The following WWOX variants were observed in gnomAD, a reference collection of about 807,000 sequenced individuals.
The protein encoded by WWOX is WW domain-containing oxidoreductase.
Under a neutral mutation model 46.2 loss-of-function variants are expected in WWOX, and 69 were observed. The observed-to-expected ratio is 1.49, with a 90% confidence interval of 1.23 to 1.82. The LOEUF (loss-of-function observed/expected upper bound fraction) is 1.82, where lower values mean the gene tolerates loss of function less well. WWOX is among the 40% of genes most tolerant of loss of function. WWOX has a pLI of 0.00. For synonymous variants in WWOX, 359 were observed against 202.6 expected (o/e 1.77, Z -6.56); for missense variants, 919 against 542.6 (o/e 1.69, Z -6.89).
chr16:78,853,461 A>G (rs1441466192), intron 8 of WWOX, among the ~76,000 whole-genome samples: 1 of 152,042 alleles, frequency 6.6e-6, no homozygotes, highest in Non-Finnish European at 1.5e-5. Context: ...ATCATTATTT[A>G]TTTAGTTATT....
intron 8 of WWOX, among the ~76,000 whole-genome samples, chr16:78,776,061 C>G (rs1163740807): frequency 6.6e-6 from 1 of 152,168 alleles, no homozygotes; most frequent in Non-Finnish European, 1.5e-5. Flanking sequence ...GAGTATAACA[C>G]CATGGCTAGT....
intron 8 of WWOX, among the ~76,000 whole-genome samples, chr16:78,936,265 C>T (rs753589413): frequency 1.1e-4 from 16 of 152,114 alleles, no homozygotes; most frequent in Non-Finnish European, 1.5e-4. Context: ...TTGACCTGGG[C>T]CTTCAACCCT....
intron 8 of WWOX, among the ~76,000 whole-genome samples, chr16:78,589,846 G>A (rs2045309131): frequency 6.6e-6 from 1 of 152,012 alleles, no homozygotes; most frequent in African/African-American, 2.4e-5. Flanking sequence ...TAACTATGAT[G>A]CTACTTCTTA....
intron 6 of WWOX, among the ~76,000 whole-genome samples, chr16:78,423,069 A>T (rs1488915810): frequency 6.6e-6 from 1 of 151,590 alleles, no homozygotes; most frequent in Non-Finnish European, 1.5e-5. Flanking sequence ...TATTTTTAGT[A>T]GAGATGGGGG....
intron 8 of WWOX, among the ~76,000 whole-genome samples, chr16:78,952,113 T>C (rs1176920781): frequency 6.6e-6 from 1 of 152,110 alleles, no homozygotes; most frequent in African/African-American, 2.4e-5. Context: ...GTACCTTCCC[T>C]GTCTCATTTC....
intron 6 of WWOX, among the ~76,000 whole-genome samples, chr16:78,406,391 T>C (rs1162439733): frequency 1.4e-5 from 2 of 142,780 alleles, no homozygotes; most frequent in Non-Finnish European, 3.0e-5. Context: ...TCTTGCTCTG[T>C]CACCAGGCTG....
At chr16:79,005,391 C>A (rs1330778043) in intron 8 of WWOX, among the ~76,000 whole-genome samples, 1 of 152,180 alleles carries the variant, frequency 6.6e-6, no homozygotes, top group Admixed American at 6.5e-5. Context: ...GATGGCATAG[C>A]ACATTCGTTT....
At chr16:78,245,537 T>C (rs1179962718) in intron 5 of WWOX, among the ~76,000 whole-genome samples, 1 of 152,204 alleles carries the variant, frequency 6.6e-6, no homozygotes, top group African/African-American at 2.4e-5. Context: ...CAGGAATAAG[T>C]GGGCCTTTTG....
intron 8 of WWOX, among the ~76,000 whole-genome samples, chr16:78,460,853 C>T (rs1439191405): frequency 6.6e-6 from 1 of 152,218 alleles, no homozygotes; most frequent in Non-Finnish European, 1.5e-5. Flanking sequence ...TACGTGAGGA[C>T]ACATCACTTG....
chr16:79,063,692 C>A (rs558417869), intron 8 of WWOX, among the ~76,000 whole-genome samples: 8 of 152,104 alleles, frequency 5.3e-5, no homozygotes, highest in Admixed American at 1.3e-4. Context: ...GTGCCAGCAC[C>A]TCAAGAAACC....
chr16:78,516,129 C>T (rs1207160021), intron 8 of WWOX, among the ~76,000 whole-genome samples: 1 of 152,162 alleles, frequency 6.6e-6, no homozygotes, highest in African/African-American at 2.4e-5. Context: ...TGGCGTGCCC[C>T]TTTCTTTCCG....
In WWOX at chr16:78,766,429, T is replaced by A. The variant is rs144212559; in HGVS notation, c.1056+333677T>A. Among the ~76,000 whole-genome samples, 97 of 152,248 alleles carry A rather than the reference T, an allele frequency of 6.4e-4. 1 individual carries two copies. In the East Asian group the frequency reaches 0.018, roughly 28 times the overall value. On this transcript the variant is annotated intron_variant, in intron 8 of 8. Transcript: ENST00000566780. ...GGGCAACACAGCAAGACCCCACGTCTTAAAAAAATTTAGCCGGCTGTCGTG... is the reference window on the plus strand; with the variant it reads ...GGGCAACACAGCAAGACCCCACGTCATAAAAAAATTTAGCCGGCTGTCGTG...
intron 5 of WWOX, among the ~76,000 whole-genome samples, chr16:78,240,103 A>T (rs547612191): frequency 6.6e-6 from 1 of 152,170 alleles, no homozygotes; most frequent in East Asian, 1.9e-4. Flanking sequence ...GTCTTTGCAG[A>T]TGTAATTAGC....
intron 5 of WWOX, among the ~76,000 whole-genome samples, chr16:78,172,067 C>G (rs1471668206): frequency 6.6e-6 from 1 of 152,120 alleles, no homozygotes; most frequent in Non-Finnish European, 1.5e-5. Context: ...TGGGAGATAA[C>G]GGGGTGGATC....
chr16:78,534,035 A>C (rs1425043680), intron 8 of WWOX, among the ~76,000 whole-genome samples: 3 of 152,234 alleles, frequency 2.0e-5, no homozygotes, highest in African/African-American at 7.2e-5. Context: ...GAGAGTTCTC[A>C]GAAAAATGGA....
chr16:78,807,992 C>G (rs559193273), intron 8 of WWOX, among the ~76,000 whole-genome samples: 2 of 152,146 alleles, frequency 1.3e-5, no homozygotes, highest in African/African-American at 2.4e-5. Context: ...TTTTCTTTTT[C>G]CATGTTCACT....
At chr16:79,159,484 G>A (rs1328542562) in intron 8 of WWOX, among the ~76,000 whole-genome samples, 3 of 152,136 alleles carry the variant, frequency 2.0e-5, no homozygotes, top group African/African-American at 7.2e-5. Context: ...CTTCTACTGG[G>A]AGACGGTTGT....
At chr16:79,009,719 G>T (rs2151375054) in intron 8 of WWOX, among the ~76,000 whole-genome samples, 1 of 152,236 alleles carries the variant, frequency 6.6e-6, no homozygotes, top group East Asian at 1.9e-4. Context: ...CCAAAGTGCT[G>T]GGATTACAGG....
chr16:78,892,174 T>G (rs2044604843), intron 8 of WWOX: 1 of 152,132 alleles, frequency 6.6e-6, no homozygotes, highest in African/African-American at 2.4e-5. Flanking sequence ...CAGCGGAATC[T>G]AAGAAATTGC....
Sources: gnomAD v4.1 joint callset for allele counts (sites outside exome capture counted in the v4.1 genomes callset) on GRCh38, gnomAD v4.1.1 for gene constraint, MANE v1.5 for transcripts, NCBI Gene and HGNC (gene_info 2026-07-23, HGNC 2026-07-21) for gene names.